The following PCDH11X variants were observed in gnomAD, a reference collection of about 807,000 sequenced individuals.
PCDH11X encodes protocadherin 11 X-linked.
PCDH11X carries 18 observed loss-of-function variants against 53.3 expected under a neutral mutation model. The ratio of observed to expected loss-of-function variants is 0.34; its 90% CI spans 0.23 to 0.50. The LOEUF (loss-of-function observed/expected upper bound fraction) is 0.50. Among genes scored for constraint, PCDH11X ranks in the 20% least tolerant of loss-of-function variants. The pLI is 0.98. For synonymous variants in PCDH11X, 279 were observed against 393.3 expected (o/e 0.71, Z 3.44); for missense variants, 570 against 1,032.4 (o/e 0.55, Z 6.14).
intron 10 of PCDH11X, among the ~76,000 whole-genome samples, chrX:92,596,265 A>G (rs1829077786): frequency 9.0e-6 from 1 of 111,414 alleles, no homozygotes; most frequent in African/African-American, 3.3e-5. Flanking sequence ...CCTGGGACCA[A>G]CCTCCCCCAA....
At chrX:92,604,012 A>G (rs1602428326) in intron 10 of PCDH11X, among the ~76,000 whole-genome samples, 2 of 107,495 alleles carry the variant, frequency 1.9e-5, no homozygotes, top group East Asian at 5.8e-4. Context: ...ACAATTATAT[A>G]TAATTTTGTT....
At chrX:92,543,819 A>T (rs754908551) in intron 10 of PCDH11X, among the ~76,000 whole-genome samples, 1 of 110,106 alleles carries the variant, frequency 9.1e-6, no homozygotes, top group Non-Finnish European at 1.9e-5. Flanking sequence ...GTCTAGAATA[A>T]CAGAAGGAAA....
rs866082218 is a variant in PCDH11X at position 92,383,325 on chromosome X, T to G, written c.3145-4410T>G. ...TTCTTAAAACTGTAGATAAATGTTT[T>G]TTTTTTTTTTTTTAATTATACTTAA... On this transcript the variant is annotated intron_variant, in intron 8 of 10. Coordinates refer to ENST00000682573, the MANE Select transcript of PCDH11X (RefSeq NM_032968.5). 0.022 allele frequency among the ~76,000 whole-genome samples: 1,790 copies of G among 81,834 alleles called. 45 individuals are homozygous for G. The East Asian group carries it at 0.23, about 11-fold the overall frequency. The allele number at this position is 81,834 out of a possible 115,157, so 71.1% of individuals were successfully genotyped here.
chrX:92,219,391 TA>T (rs1417756039), intron 7 of PCDH11X, among the ~76,000 whole-genome samples: 3 of 111,066 alleles, frequency 2.7e-5, no homozygotes, highest in Non-Finnish European at 5.7e-5. Context: ...CAAGCATTTT[TA>T]TACACCAATA....
chrX:91,780,105 C>T (rs1454865248), intron 1 of PCDH11X, among the ~76,000 whole-genome samples: 2 of 111,903 alleles, frequency 1.8e-5, no homozygotes, highest in Non-Finnish European at 3.8e-5. Context: ...CCAGACTCGC[C>T]CGGCTGAGAG....
In PCDH11X at chrX:91,876,691, A is replaced by G. The variant is rs2090134174; in HGVS notation, c.541-90A>G. On this transcript the variant is annotated intron_variant, in intron 5 of 10. Transcript: ENST00000682573. ...TTGTTCTCATTAGATAAGCTAACATAAGTTAAATTATATTTTATTATTCAT... is the reference window on the plus strand; with the variant it reads ...TTGTTCTCATTAGATAAGCTAACATGAGTTAAATTATATTTTATTATTCAT... 10 of 898,656 alleles carry G rather than the reference A, an allele frequency of 1.1e-5. No individual in the cohort carries two copies. In the South Asian group the frequency reaches 4.2e-4, roughly 38 times the overall value. 74.1% of individuals were successfully genotyped at this position (898,656 alleles called of 1,213,427 possible). A position where few individuals can be genotyped will look rare whatever the true frequency, so the allele number is the denominator to read the frequency against.
chrX:91,855,757 G>A (rs1449418705), intron 5 of PCDH11X, among the ~76,000 whole-genome samples: 1 of 110,326 alleles, frequency 9.1e-6, no homozygotes, highest in African/African-American at 3.3e-5. Context: ...TTTTTTGTGT[G>A]GCTATTATAA....
chrX:91,835,091 A>G, intron 4 of PCDH11X: 2 of 682,618 alleles, frequency 2.9e-6, no homozygotes, highest in Non-Finnish European at 3.6e-6. Flanking sequence ...ATATTTTGTG[A>G]TTTGTAACAA....
At chrX:92,010,791 G>T (rs1225500744) in intron 6 of PCDH11X, among the ~76,000 whole-genome samples, 1 of 109,125 alleles carries the variant, frequency 9.2e-6, no homozygotes, top group Non-Finnish European at 1.9e-5. Context: ...TAAATTGTTT[G>T]TCACTTGGGT....
rs756302882 is a variant in PCDH11X at position 92,075,982 on chromosome X, T to G, written c.3034-125393T>G. On this transcript the variant is annotated intron_variant, in intron 6 of 10. Transcript: ENST00000682573. Reference sequence around the variant, plus strand: ...AACATCAAGCATAATACCTAGAGGCTGTGGAAAGGTACTTCTTGTTGGTAT... The same window carrying G: ...AACATCAAGCATAATACCTAGAGGCGGTGGAAAGGTACTTCTTGTTGGTAT... Among the ~76,000 whole-genome samples, 5 of 110,083 alleles carry G rather than the reference T, an allele frequency of 4.5e-5. No individual in the cohort carries two copies. The South Asian group carries it at 1.9e-3, about 43-fold the overall frequency.
chrX:92,215,437 G>A (rs1267572073), intron 7 of PCDH11X, among the ~76,000 whole-genome samples: 1 of 97,771 alleles, frequency 1.0e-5, no homozygotes, highest in Admixed American at 1.2e-4. Flanking sequence ...TGCCCACGGA[G>A]TCTCGCTGAT....
chrX:92,343,151 G>C (rs190168255), intron 8 of PCDH11X, among the ~76,000 whole-genome samples: 1 of 112,077 alleles, frequency 8.9e-6, no homozygotes, highest in Non-Finnish European at 1.9e-5. Context: ...CAGCCTTCAG[G>C]CAAAGTCCAT....
intron 7 of PCDH11X, among the ~76,000 whole-genome samples, chrX:92,251,624 C>T (rs2067462287): frequency 9.0e-6 from 1 of 110,784 alleles, no homozygotes; most frequent in Non-Finnish European, 1.9e-5. Context: ...TTGCCCACAT[C>T]GTAGGGTCAA....
intron 6 of PCDH11X, among the ~76,000 whole-genome samples, chrX:92,080,347 A>G (rs979166856): frequency 9.0e-6 from 1 of 111,360 alleles, no homozygotes; most frequent in African/African-American, 3.3e-5. Flanking sequence ...AATAGGAAAC[A>G]AATACAGATG....
At chrX:92,415,114 C>T (rs879146691) in intron 9 of PCDH11X, among the ~76,000 whole-genome samples, 1 of 111,151 alleles carries the variant, frequency 9.0e-6, no homozygotes, top group South Asian at 3.8e-4. Flanking sequence ...GACAATTTCA[C>T]CTTTTGTTTT....
At chrX:91,967,204 G>C (rs905105582) in intron 6 of PCDH11X, among the ~76,000 whole-genome samples, 3 of 110,420 alleles carry the variant, frequency 2.7e-5, no homozygotes, top group Admixed American at 9.7e-5. Context: ...TCTGTTACCA[G>C]TGTGTAGTTG....
At chrX:92,272,566 A>G (rs1046792492) in intron 8 of PCDH11X, among the ~76,000 whole-genome samples, 1 of 112,449 alleles carries the variant, frequency 8.9e-6, no homozygotes, top group East Asian at 2.8e-4. Context: ...ATTAATTTTT[A>G]TGCTTTAAAT....
intron 7 of PCDH11X, among the ~76,000 whole-genome samples, chrX:92,257,521 C>T (rs2067620406): frequency 8.9e-6 from 1 of 112,003 alleles, no homozygotes; most frequent in African/African-American, 3.3e-5. Flanking sequence ...GTCTATGACC[C>T]TGTAAAATAA....
intron 10 of PCDH11X, among the ~76,000 whole-genome samples, chrX:92,486,966 T>C (rs1448756489): frequency 9.3e-6 from 1 of 106,954 alleles, no homozygotes; most frequent in African/African-American, 3.4e-5. Flanking sequence ...ACTCCATGAT[T>C]ATAGATAAAG....
Sources: gnomAD v4.1 joint callset for allele counts (sites outside exome capture counted in the v4.1 genomes callset) on GRCh38, gnomAD v4.1.1 for gene constraint, MANE v1.5 for transcripts, NCBI Gene and HGNC (gene_info 2026-07-23, HGNC 2026-07-21) for gene names.